ANKRD26: variants seen among roughly 807,000 people sequenced by gnomAD.
ANKRD26 encodes ankyrin repeat domain-containing protein 26.
Under a neutral mutation model 208.7 loss-of-function variants are expected in ANKRD26, and 141 were observed. That is an observed-to-expected ratio of 0.68 (90% CI 0.59 to 0.78). The LOEUF is 0.78. Ranked by LOEUF, ANKRD26 falls within the 30% of genes least tolerant of loss-of-function variation. ANKRD26 has a pLI of 0.00. For synonymous variants in ANKRD26, 636 were observed against 660.4 expected (o/e 0.96, Z 0.57); for missense variants, 1,889 against 1,938.7 (o/e 0.97, Z 0.48).
rs2055891246 is a variant in ANKRD26 at position 27,081,129 on chromosome 10, A to G, written c.740+1674T>C. On this transcript the variant is annotated intron_variant, in intron 6 of 33. Transcript: ENST00000376087. ...TTAACATTTTTCAGTAGAAACCTTG[A>G]GAGTTTGTCAGTTCCTCCAATTATA... Among the ~76,000 whole-genome samples the G allele has an allele frequency of 4.6e-5, 7 of 152,272 alleles. No homozygotes were observed. In the South Asian group the frequency reaches 1.5e-3, roughly 32 times the overall value.
At chr10:27,068,388 A>C (rs111969983) in intron 9 of ANKRD26, among the ~76,000 whole-genome samples, 1,620 of 152,292 alleles carry the variant, frequency 0.011, 32 homozygotes, top group African/African-American at 0.037. Flanking sequence ...AGGAACTGAG[A>C]GTCAATTAAA....
Position 27,048,932 on chromosome 10 carries a change from T to C in ANKRD26, c.1683A>G (p.Ser561=). ...KKHRNNEMEV[S]ANIHDGATDD... ...CAGTAGCACCATCATGTATGTTTGC[T>C]GATACTTCCATTTCATTATTTCTGT... The change falls in exon 17 of 34, where the codon TCA becomes TCG. Residue 561 remains serine, a synonymous_variant. Coordinates refer to ENST00000376087, the MANE Select transcript of ANKRD26 (RefSeq NM_014915.3). 3.7e-6 allele frequency: 6 copies of C among 1,610,984 alleles called. No individual in the cohort carries two copies. The highest frequency in any genetic ancestry group is 5.1e-6 in the Non-Finnish European group (6 of 1,178,432).
the ANKRD26 span, among the ~76,000 whole-genome samples, chr10:26,954,075 G>A: frequency 6.6e-6 from 1 of 152,200 alleles, no homozygotes; most frequent in Non-Finnish European, 1.5e-5. Flanking sequence ...TGGCGTGAAT[G>A]TTAAAATCTG....
chr10:27,018,892 A>G (rs374884446), intron 29 of ANKRD26, among the ~76,000 whole-genome samples: 1 of 152,236 alleles, frequency 6.6e-6, no homozygotes, highest in African/African-American at 2.4e-5. Context: ...AACTACTAGA[A>G]GAGACAGGGA....
downstream of ANKRD26, among the ~76,000 whole-genome samples, chr10:26,987,432 C>T (rs1314850873): frequency 6.6e-6 from 1 of 152,038 alleles, no homozygotes; most frequent in East Asian, 1.9e-4. Flanking sequence ...AAGTATTCAG[C>T]CACTTGAGGT....
intron 9 of ANKRD26, chr10:27,077,117 G>A (rs1292304013): frequency 1.4e-5 from 8 of 559,348 alleles, no homozygotes; most frequent in South Asian, 1.3e-4. Flanking sequence ...CTAGCAAACC[G>A]AATCCAACAG....
chr10:27,061,373 A>C (rs1238467537), intron 12 of ANKRD26, 131 bp from the exon 13 acceptor site: 1 of 580,664 alleles, frequency 1.7e-6, no homozygotes, highest in African/African-American at 1.9e-5. Context: ...AAATCAATGC[A>C]GTGTTTATTT....
intron 14 of ANKRD26, 43 bp from the exon 15 acceptor site, chr10:27,060,460 C>A (rs1212112383): frequency 6.4e-7 from 1 of 1,551,566 alleles, no homozygotes; most frequent in Admixed American, 1.7e-5. Context: ...ATAATGTATA[C>A]TTTATACAAT....
At chr10:27,071,159 A>ATTTTTTTTTT (rs71386906) in intron 9 of ANKRD26, among the ~76,000 whole-genome samples, 2 of 85,838 alleles carry the variant, frequency 2.3e-5, no homozygotes, top group African/African-American at 5.1e-5. Flanking sequence ...TGCTACATTC[A>ATTTTTTTTTT]TTTTTTTTTT....
intron 4 of ANKRD26, among the ~76,000 whole-genome samples, chr10:27,091,767 T>C (rs1431885572): frequency 6.6e-6 from 1 of 152,054 alleles, no homozygotes; most frequent in Non-Finnish European, 1.5e-5. Context: ...GGCGGGTGGA[T>C]CACGAGGTCA....
intron 32 of ANKRD26, among the ~76,000 whole-genome samples, chr10:27,012,178 A>G (rs2053135260): frequency 1.3e-5 from 2 of 152,218 alleles, no homozygotes; most frequent in African/African-American, 4.8e-5. Context: ...TGGTGCCAGA[A>G]AACTATCAAA....
intron 25 of ANKRD26, among the ~76,000 whole-genome samples, chr10:27,032,805 A>G (rs1001332753): frequency 2.6e-5 from 4 of 151,404 alleles, no homozygotes; most frequent in African/African-American, 7.3e-5. Context: ...ACAGAGTGAG[A>G]CTCTGTCTCA....
intron 4 of ANKRD26, among the ~76,000 whole-genome samples, chr10:26,998,546 A>T (rs556147669): frequency 6.6e-6 from 1 of 152,226 alleles, no homozygotes; most frequent in Non-Finnish European, 1.5e-5. Context: ...GGTCTGAATG[A>T]CCTGGGTCAT....
chr10:27,000,832 C>T (rs752479207), downstream of ANKRD26, among the ~76,000 whole-genome samples: 14 of 151,942 alleles, frequency 9.2e-5, no homozygotes, highest in Non-Finnish European at 1.5e-4. Flanking sequence ...GATGAAACCT[C>T]GTTTCTACTA....
At chr10:26,962,523 C>T in the ANKRD26 span, among the ~76,000 whole-genome samples, 2 of 151,844 alleles carry the variant, frequency 1.3e-5, no homozygotes, top group Admixed American at 6.6e-5. Context: ...TGCAGTGAGC[C>T]GAGATCACGC....
intron 32 of ANKRD26, among the ~76,000 whole-genome samples, chr10:27,010,972 A>G (rs1304280173): frequency 6.6e-6 from 1 of 152,208 alleles, no homozygotes; most frequent in Non-Finnish European, 1.5e-5. Context: ...TTTATGTATT[A>G]AAACAATCAT....
At chr10:26,961,239 A>C in the ANKRD26 span, among the ~76,000 whole-genome samples, 1 of 152,158 alleles carries the variant, frequency 6.6e-6, no homozygotes, top group South Asian at 2.1e-4. Flanking sequence ...AATCCTAAGA[A>C]GACTTTCAAC....
intron 1 of ANKRD26, among the ~76,000 whole-genome samples, chr10:27,097,573 T>A (rs759655393): frequency 6.6e-6 from 1 of 151,568 alleles, no homozygotes; most frequent in African/African-American, 2.4e-5. Context: ...GGGAGTTCAA[T>A]ATTTTTAAAT....
At chr10:27,049,442 T>C (rs1157550158) in intron 16 of ANKRD26, among the ~76,000 whole-genome samples, 1 of 152,180 alleles carries the variant, frequency 6.6e-6, no homozygotes, top group Non-Finnish European at 1.5e-5. Flanking sequence ...TAAGATATTC[T>C]TTTCCCCAGT....
Sources: allele counts gnomAD v4.1 joint callset (sites outside exome capture counted in the v4.1 genomes callset), GRCh38; gene constraint gnomAD v4.1.1; transcripts MANE v1.5; gene names NCBI Gene and HGNC (gene_info 2026-07-23, HGNC 2026-07-21).